KCNK2: variants seen among roughly 807,000 people sequenced by gnomAD.
KCNK2 encodes the protein potassium two pore domain channel subfamily K member 2.
KCNK2 carries 21 observed loss-of-function variants against 40.5 expected under a neutral mutation model. The observed-to-expected ratio is 0.52, with a 90% confidence interval of 0.37 to 0.75. The LOEUF (loss-of-function observed/expected upper bound fraction) is 0.75, where lower values mean the gene tolerates loss of function less well. Among genes scored for constraint, KCNK2 ranks in the 30% least tolerant of loss-of-function variants. The pLI is 0.00. For synonymous variants in KCNK2, 191 were observed against 202.2 expected (o/e 0.94, Z 0.47); for missense variants, 399 against 531.6 (o/e 0.75, Z 2.45).
intron 1 of KCNK2, among the ~76,000 whole-genome samples, chr1:215,071,711 C>T (rs1457248762): frequency 1.3e-5 from 2 of 152,144 alleles, no homozygotes; most frequent in Non-Finnish European, 2.9e-5. Context: ...ATTGCATCAT[C>T]AAAATTTCAG....
chr1:215,008,192 T>C lies in KCNK2; in HGVS notation c.34+2237T>C, dbSNP rs138929222. ...CAAGTAAGGTATGGTAGAATGATTA[T>C]GATTTTGAGGATTATCTTCAAAAGG... On this transcript the variant is annotated intron_variant, in intron 1 of 6. Coordinates refer to the KCNK2 transcript ENST00000391895. Among the ~76,000 whole-genome samples, 109 of 152,146 alleles carry C rather than the reference T, an allele frequency of 7.2e-4. 1 individual carries two copies. The East Asian group carries it at 0.019, about 27-fold the overall frequency.
chr1:215,052,550 C>G (rs1658026755), intron 1 of KCNK2, among the ~76,000 whole-genome samples: 1 of 152,104 alleles, frequency 6.6e-6, no homozygotes, highest in South Asian at 2.1e-4. Flanking sequence ...CAGTGGATAT[C>G]TGAAAATGTA....
chr1:215,070,620 C>A (rs567947550), intron 1 of KCNK2, among the ~76,000 whole-genome samples: 3 of 151,954 alleles, frequency 2.0e-5, no homozygotes, highest in Non-Finnish European at 4.4e-5. Flanking sequence ...TTCACTATCA[C>A]GAGAACAGCA....
chr1:215,202,085 G>A (rs920278753), intron 6 of KCNK2, among the ~76,000 whole-genome samples: 1 of 151,906 alleles, frequency 6.6e-6, no homozygotes, highest in African/African-American at 2.4e-5. Context: ...TTGGACTATG[G>A]GCATATTATT....
At chr1:215,056,165 G>T (rs866856291) in intron 1 of KCNK2, among the ~76,000 whole-genome samples, 1 of 151,688 alleles carries the variant, frequency 6.6e-6, no homozygotes, top group Non-Finnish European at 1.5e-5. Context: ...AAAATTAGCC[G>T]GGCATGGTGG....
chr1:215,209,453 T>TTATATATATAA (rs1571731868), intron 6 of KCNK2, among the ~76,000 whole-genome samples: 1 of 11,898 alleles, frequency 8.4e-5, no homozygotes, highest in African/African-American at 3.2e-4. Context: ...ATAATATATA[T>TTATATATATAA]TATATATTAT....
intron 3 of KCNK2, among the ~76,000 whole-genome samples, chr1:215,136,576 C>CT (rs1239621140): frequency 2.6e-5 from 4 of 152,130 alleles, no homozygotes; most frequent in African/African-American, 9.7e-5. Flanking sequence ...TTACAAAAGT[C>CT]TATTTCTTGT....
At chr1:215,094,517 C>A (rs992588491) in intron 2 of KCNK2, among the ~76,000 whole-genome samples, 1 of 152,062 alleles carries the variant, frequency 6.6e-6, no homozygotes, top group African/African-American at 2.4e-5. Context: ...ATGTCAATTT[C>A]CAATTTTCCT....
intron 3 of KCNK2, among the ~76,000 whole-genome samples, chr1:215,141,626 T>C (rs1363098454): frequency 6.6e-6 from 1 of 152,148 alleles, no homozygotes; most frequent in Non-Finnish European, 1.5e-5. Context: ...GGCTTTCTCT[T>C]GCTTTCACAC....
intron 1 of KCNK2, among the ~76,000 whole-genome samples, chr1:215,026,338 A>G (rs1656999585): frequency 6.6e-6 from 1 of 152,006 alleles, no homozygotes; most frequent in African/African-American, 2.4e-5. Context: ...CTGCTACACA[A>G]GTTTTTTATT....
At chr1:215,211,325 G>C (rs1300950091) in intron 6 of KCNK2, among the ~76,000 whole-genome samples, 1 of 152,012 alleles carries the variant, frequency 6.6e-6, no homozygotes, top group Non-Finnish European at 1.5e-5. Context: ...TCTGTCAGCA[G>C]TGCTCTTTTC....
At position 215,083,200 on chromosome 1, in the gene KCNK2, C is replaced by CCCT; in HGVS notation, c.-184_-183insTCC. On this transcript the variant is annotated 5_prime_UTR_variant, in exon 1 of 7. Coordinates refer to ENST00000444842, the MANE Select transcript of KCNK2 (RefSeq NM_001017425.3). The stretch of plus-strand genomic sequence containing the variant: ...ATTTCGTTTCTTCTCACGCTCCCCC[C>CCCT]CCCGCCCCCTCCCGCGTCCAGCCCC... 4.0e-6 allele frequency: 3 copies of CCCT among 748,254 alleles called. No individual in the cohort carries two copies. Among genetic ancestry groups the CCCT allele is most frequent in the Non-Finnish European group, 6.4e-6 (3 of 471,074 alleles). 46.4% of individuals were successfully genotyped at this position (748,254 alleles called of 1,614,324 possible). A position where few individuals can be genotyped will look rare whatever the true frequency, so the allele number is the denominator to read the frequency against.
intron 1 of KCNK2, 90 bp downstream of exon 1, chr1:215,083,521 A>C: frequency 1.1e-6 from 1 of 942,660 alleles, no homozygotes. Flanking sequence ...GCCCCCTCTC[A>C]GCAAGCGGCC....
chr1:215,235,458 T>C lies in KCNK2; in HGVS notation c.*313T>C, dbSNP rs1484806296. On this transcript the variant is annotated 3_prime_UTR_variant, in exon 7 of 7. Coordinates refer to ENST00000444842, the MANE Select transcript of KCNK2 (RefSeq NM_001017425.3). ...CATAAGGCCTCAGAATGAATGAGAA[T>C]TGTTTCTGGTAACAATGTAGCTTTG... 1.2e-5 allele frequency: 3 copies of C among 260,664 alleles called. No individual in the cohort carries two copies. The highest frequency in any genetic ancestry group is 4.4e-5 in the African/African-American group (2 of 45,974). The allele number at this position is 260,664 out of a possible 1,614,324, so 16.1% of individuals were successfully genotyped here.
At chr1:215,098,164 T>C (rs1454908287) in intron 2 of KCNK2, among the ~76,000 whole-genome samples, 2 of 152,014 alleles carry the variant, frequency 1.3e-5, no homozygotes, top group Non-Finnish European at 2.9e-5. Context: ...ACATACATTC[T>C]GCTTAGTTAA....
chr1:215,234,700 C>T (rs1164994798), intron 6 of KCNK2, 128 bp from the exon 7 acceptor site: 2 of 798,782 alleles, frequency 2.5e-6, no homozygotes, highest in Non-Finnish European at 4.0e-6. Context: ...TCTCAGACCA[C>T]CAGTGCTGTA....
At chr1:215,189,671 A>T (rs1341989627) in intron 5 of KCNK2, among the ~76,000 whole-genome samples, 1 of 152,178 alleles carries the variant, frequency 6.6e-6, no homozygotes, top group African/African-American at 2.4e-5. Flanking sequence ...TTAGTAGGTA[A>T]GCTGTTGTTT....
intron 1 of KCNK2, among the ~76,000 whole-genome samples, chr1:215,039,550 A>G (rs1225743295): frequency 6.6e-6 from 1 of 152,194 alleles, no homozygotes; most frequent in African/African-American, 2.4e-5. Flanking sequence ...GTAATTTGAT[A>G]GAGGAACTCA....
At chr1:215,187,494 A>G (rs1341917702) in intron 5 of KCNK2, among the ~76,000 whole-genome samples, 2 of 152,062 alleles carry the variant, frequency 1.3e-5, no homozygotes, top group East Asian at 3.9e-4. Context: ...ATGTATGAAC[A>G]CTTGCTTTTT....
Sources: gnomAD v4.1 joint callset for allele counts (sites outside exome capture counted in the v4.1 genomes callset) on GRCh38, gnomAD v4.1.1 for gene constraint, MANE v1.5 for transcripts, NCBI Gene and HGNC (gene_info 2026-07-23, HGNC 2026-07-21) for gene names.